Variants in ETV6 observed in about 807,000 individuals in gnomAD.
ETV6 encodes transcription factor ETV6.
ETV6 carries 16 observed loss-of-function variants against 51.1 expected under a neutral mutation model. That is an observed-to-expected ratio of 0.31 (90% CI 0.21 to 0.48). The LOEUF is 0.48. Ranked by LOEUF, ETV6 falls within the 20% of genes least tolerant of loss-of-function variation. ETV6 has a pLI of 0.99. For missense variants in ETV6, 458 were observed against 594.8 expected (o/e 0.77, Z 2.39); for synonymous variants, 240 against 224.1 (o/e 1.07, Z -0.64).
At chr12:11,808,781 G>A (rs1945868386) in intron 2 of ETV6, among the ~76,000 whole-genome samples, 1 of 152,014 alleles carries the variant, frequency 6.6e-6, no homozygotes, top group Non-Finnish European at 1.5e-5. Context: ...AGAAAGTGAG[G>A]TACCTCTGAC....
chr12:11,661,223 G>C (rs1209818894), intron 1 of ETV6, among the ~76,000 whole-genome samples: 1 of 152,122 alleles, frequency 6.6e-6, no homozygotes, highest in African/African-American at 2.4e-5. Flanking sequence ...GAACTCCTGG[G>C]CTCAAGTGAT....
At chr12:11,766,162 G>GC (rs1309229520) in intron 2 of ETV6, among the ~76,000 whole-genome samples, 5 of 152,168 alleles carry the variant, frequency 3.3e-5, no homozygotes, top group Non-Finnish European at 4.4e-5. Flanking sequence ...GCAGCAGAAA[G>GC]CCAAGGGGTG....
In ETV6 at chr12:11,860,065, G is replaced by A. The variant is rs78976908; in HGVS notation, c.463+6504G>A. On this transcript the variant is annotated intron_variant, in intron 4 of 7. Coordinates refer to ENST00000396373, the MANE Select transcript of ETV6 (RefSeq NM_001987.5). ...AACTGTGGGTTCTGAGCCAGGCACC[G>A]GCTTCTGAGAGCAGACACACTGGCT... Among the ~76,000 whole-genome samples, 999 of 152,218 alleles carry A rather than the reference G, an allele frequency of 6.6e-3. 18 individuals are homozygous for A. The highest frequency in any genetic ancestry group is 0.022 in the African/African-American group (912 of 41,526).
At chr12:11,857,496 ACT>A (rs1484586782) in intron 4 of ETV6, among the ~76,000 whole-genome samples, 3 of 152,138 alleles carry the variant, frequency 2.0e-5, no homozygotes, top group African/African-American at 7.2e-5. Flanking sequence ...CAGCATTTTC[ACT>A]CTTTTTCCTT....
intron 2 of ETV6, among the ~76,000 whole-genome samples, chr12:11,825,128 A>T (rs575933850): frequency 6.6e-6 from 1 of 152,372 alleles, no homozygotes; most frequent in Admixed American, 6.5e-5. Flanking sequence ...GCTAAAAGGT[A>T]AGAAGAAAAA....
Position 11,677,899 on chromosome 12 carries a change from G to A in ETV6, c.33+27739G>A, listed in dbSNP as rs1864451730. Among the ~76,000 whole-genome samples, 3 of 152,186 alleles carry A rather than the reference G, an allele frequency of 2.0e-5. No homozygotes were observed. The South Asian group carries it at 6.2e-4, about 31-fold the overall frequency. On this transcript the variant is annotated intron_variant, in intron 1 of 7. Transcript: ENST00000396373. ...CATCTCCCAGTGCAGTCACCGGAGC[G>A]CCTCCCAGCGTCCTCTGGCACAGGT... is the stretch of plus-strand genomic sequence containing the variant.
At chr12:11,799,882 T>C (rs913375633) in intron 2 of ETV6, among the ~76,000 whole-genome samples, 19 of 152,192 alleles carry the variant, frequency 1.2e-4, no homozygotes, top group African/African-American at 3.9e-4. Context: ...CCTCCTGCCT[T>C]AGCCTCTGGG....
chr12:11,664,745 C>A (rs928134076), intron 1 of ETV6, among the ~76,000 whole-genome samples: 3 of 152,184 alleles, frequency 2.0e-5, no homozygotes, highest in African/African-American at 4.8e-5. Flanking sequence ...CAGTCTGGTG[C>A]ATACTCGTCT....
In ETV6 at chr12:11,869,128, C is replaced by T. The variant is rs945235071; in HGVS notation, c.464-296C>T. Among the ~76,000 whole-genome samples, 7 of 151,410 alleles carry T rather than the reference C, an allele frequency of 4.6e-5. No homozygotes were observed. Among genetic ancestry groups the T allele is most frequent in the Admixed American group, 2.0e-4 (3 of 15,200 alleles). ...GTGGGCGCCTGTAGTCCCAGCTACT[C>T]GGGAGGCTGAGGCCGGAGAATGGCA... On this transcript the variant is annotated intron_variant, in intron 4 of 7. Coordinates refer to ENST00000396373, the MANE Select transcript of ETV6 (RefSeq NM_001987.5). The surrounding 1 kb of genome is among the most constrained non-coding windows in gnomAD (Gnocchi z 5.0).
intron 2 of ETV6, among the ~76,000 whole-genome samples, chr12:11,801,079 C>T (rs555027101): frequency 1.1e-4 from 16 of 152,106 alleles, no homozygotes; most frequent in African/African-American, 3.4e-4. Context: ...CTTTATTCAT[C>T]GAAAATTTGT....
At chr12:11,733,912 CAGCCACTAACATGTTAATCAAAAGA>C in intron 1 of ETV6, among the ~76,000 whole-genome samples, 1 of 152,342 alleles carries the variant, frequency 6.6e-6, no homozygotes, top group Admixed American at 6.5e-5. Context: ...GTTTTAGTTG[CAGCCACTAACATGTTAATCAAAAGA>C]AGCAAATACA....
At position 11,893,442 on chromosome 12, in the gene ETV6, G is replaced by A. The variant is rs578222321; in HGVS notation, c.*2396G>A. On this transcript the variant is annotated 3_prime_UTR_variant, in exon 8 of 8. Transcript: ENST00000396373. ...TTAAAGCAATATCCCAGGAGAATAT[G>A]TTAGACTTAGGATGATACCTTCAGC... 4.3e-6 allele frequency: 1 copy of A among 231,712 alleles called. No homozygotes were observed. The highest frequency in any genetic ancestry group is 5.6e-5 in the Admixed American group (1 of 17,752). The allele number at this position is 231,712 out of a possible 1,614,324, so 14.4% of individuals were successfully genotyped here.
At chr12:11,674,663 T>TGTGTGTGTGTG (rs1555113011) in intron 1 of ETV6, among the ~76,000 whole-genome samples, 1 of 76,380 alleles carries the variant, frequency 1.3e-5, no homozygotes, top group African/African-American at 4.5e-5. Flanking sequence ...GTGTGTGTGT[T>TGTGTGTGTGTG]TGGTGTTTTC....
chr12:11,763,909 C>G (rs1945127186), intron 2 of ETV6, among the ~76,000 whole-genome samples: 1 of 152,148 alleles, frequency 6.6e-6, no homozygotes, highest in Non-Finnish European at 1.5e-5. Flanking sequence ...GGACAGAGGG[C>G]TTATAGTTGA....
chr12:11,658,278 C>T (rs1173198827), intron 1 of ETV6, among the ~76,000 whole-genome samples: 1 of 152,192 alleles, frequency 6.6e-6, no homozygotes, highest in African/African-American at 2.4e-5. Context: ...CTCTGTCACC[C>T]AGGCTGGAGT....
chr12:11,699,542 C>G (rs1386681999), intron 1 of ETV6, among the ~76,000 whole-genome samples: 1 of 152,016 alleles, frequency 6.6e-6, no homozygotes, highest in Non-Finnish European at 1.5e-5. Flanking sequence ...TGTGTTTCTT[C>G]TATATTTGTG....
chr12:11,892,210 A>ACTTT lies in ETV6; in HGVS notation c.*1164_*1165insCTTT. On this transcript the variant is annotated 3_prime_UTR_variant, in exon 8 of 8. Transcript: ENST00000396373. Reference sequence around the variant, plus strand: ...GTGGTCAGTTTCATGCCCTCACCTGATTTTTTTTTTTTTTTTTTTTTTTCA... The same window carrying ACTTT: ...GTGGTCAGTTTCATGCCCTCACCTGACTTTTTTTTTTTTTTTTTTTTTTTTTTCA... 6.5e-6 allele frequency: 1 copy of ACTTT among 152,830 alleles called. No individual in the cohort carries two copies. The highest frequency in any genetic ancestry group is 1.1e-5 in the Non-Finnish European group (1 of 87,302). The allele number at this position is 152,830 out of a possible 1,614,324, so 9.5% of individuals were successfully genotyped here. A position where few individuals can be genotyped will look rare whatever the true frequency, so the allele number is the denominator to read the frequency against.
At chr12:11,741,905 C>T (rs1429176007) in intron 1 of ETV6, among the ~76,000 whole-genome samples, 3 of 152,196 alleles carry the variant, frequency 2.0e-5, no homozygotes, top group African/African-American at 4.8e-5. Flanking sequence ...GCTTTAACAG[C>T]GTTCATGCCT....
chr12:11,759,348 G>A (rs1390868120), intron 2 of ETV6, among the ~76,000 whole-genome samples: 1 of 152,096 alleles, frequency 6.6e-6, no homozygotes, highest in African/African-American at 2.4e-5. Flanking sequence ...CCCCTCATTA[G>A]TGTCACGGGC....
Sources: allele counts gnomAD v4.1 joint callset (sites outside exome capture counted in the v4.1 genomes callset), GRCh38; gene constraint gnomAD v4.1.1; non-coding constraint Gnocchi (gnomAD v3.1); transcripts MANE v1.5; gene names NCBI Gene and HGNC (gene_info 2026-07-23, HGNC 2026-07-21).